Variants in ELF2 observed in about 807,000 individuals in gnomAD.
ELF2 encodes ETS-related transcription factor Elf-2.
In ELF2, 11 loss-of-function variants were observed where a neutral mutation model predicts 54.8. The observed-to-expected ratio is 0.20, with a 90% CI of 0.13 to 0.33. ELF2 has a LOEUF of 0.33. Among genes scored for constraint, ELF2 ranks in the 10% least tolerant of loss-of-function variants. The pLI is 1.00. For synonymous variants in ELF2, 203 were observed against 245.1 expected (o/e 0.83, Z 1.61); for missense variants, 513 against 703.0 (o/e 0.73, Z 3.06).
At chr4:139,115,030 T>C in intron 4 of ELF2, 9 of 1,613,832 alleles carry the variant, frequency 5.6e-6, no homozygotes, top group Non-Finnish European at 7.6e-6. Flanking sequence ...AACCAGCAGC[T>C]CCTTGACCGT....
intron 1 of ELF2, among the ~76,000 whole-genome samples, chr4:139,157,936 T>C (rs754302484): frequency 1.3e-5 from 2 of 152,204 alleles, no homozygotes; most frequent in Admixed American, 6.5e-5. Context: ...ATCAGAAGAT[T>C]CTAAATATAC....
At position 139,177,177 on chromosome 4, in the gene ELF2, C is replaced by T. The variant is rs557571407; in HGVS notation, c.-462G>A. On this transcript the variant is annotated 5_prime_UTR_variant, in exon 1 of 10. Transcript: ENST00000686138. ...CGCCGCCCCACCGACCCCCAACCGC[C>T]TAGGCGACGGCGGCGACACAGAGCT... is the stretch of plus-strand genomic sequence containing the variant. 6.6e-6 allele frequency: 1 copy of T among 152,300 alleles called. No homozygotes were observed. The highest frequency in any genetic ancestry group is 2.1e-4 in the South Asian group (1 of 4,826). The allele number at this position is 152,300 out of a possible 1,614,324, so 9.4% of individuals were successfully genotyped here. A position where few individuals can be genotyped will look rare whatever the true frequency, so the allele number is the denominator to read the frequency against.
At chr4:139,087,518 T>G (rs1210976470) in intron 4 of ELF2, among the ~76,000 whole-genome samples, 6 of 152,292 alleles carry the variant, frequency 3.9e-5, no homozygotes, top group African/African-American at 1.4e-4. Flanking sequence ...CAGGCTGGAG[T>G]ACAGTGGCGC....
At chr4:139,114,559 T>TCACACACACACA (rs1410927721) in intron 4 of ELF2, among the ~76,000 whole-genome samples, 561 of 27,508 alleles carry the variant, frequency 0.02, 2 homozygotes, top group African/African-American at 0.06. Context: ...GAGACTTCAG[T>TCACACACACACA]CTCACACACA....
intron 2 of ELF2, among the ~76,000 whole-genome samples, chr4:139,138,550 A>C (rs1422804089): frequency 6.6e-6 from 1 of 152,236 alleles, no homozygotes; most frequent in Non-Finnish European, 1.5e-5. Context: ...GAAAACTTTT[A>C]AAACTATTTG....
intron 1 of ELF2, among the ~76,000 whole-genome samples, 182 bp downstream of exon 1, chr4:139,176,785 C>G (rs911910195): frequency 1.3e-5 from 2 of 152,016 alleles, no homozygotes; most frequent in Non-Finnish European, 2.9e-5. Flanking sequence ...CAGCCCCCTT[C>G]CCCCAGCCCC....
chr4:139,125,072 G>A (rs993905771), intron 4 of ELF2, 92 bp downstream of exon 4: 1 of 1,471,618 alleles, frequency 6.8e-7, no homozygotes, highest in Middle Eastern at 1.9e-4. Flanking sequence ...CATTAAAAAG[G>A]TTTTTCAGTA....
intron 4 of ELF2, chr4:139,115,464 C>T (rs545934907): frequency 2.8e-4 from 256 of 927,834 alleles, no homozygotes; most frequent in African/African-American, 2.3e-3. Context: ...TAGCTCGCCG[C>T]GGCGAGGGCA....
At chr4:139,084,419 G>A (rs1731690818) in intron 4 of ELF2, 5 of 1,282,144 alleles carry the variant, frequency 3.9e-6, no homozygotes, top group Non-Finnish European at 3.9e-6. Flanking sequence ...AACGGCAGGG[G>A]CAGGGGCGGC....
At position 139,106,812 on chromosome 4, in the gene ELF2, C is replaced by T. The variant is rs974620597; in HGVS notation, c.238+18352G>A. On this transcript the variant is annotated intron_variant, in intron 4 of 9. Transcript: ENST00000686138. Reference sequence around the variant, plus strand: ...AGGCTGGAGTGCAATGGCTTGATCTCGGCTCACTGCAACCTCCGCCTGCCA... The same window carrying T: ...AGGCTGGAGTGCAATGGCTTGATCTTGGCTCACTGCAACCTCCGCCTGCCA... 2.8e-5 allele frequency among the ~76,000 whole-genome samples: 4 copies of T among 144,268 alleles called. No individual in the cohort carries two copies. The East Asian group carries it at 6.1e-4, about 22-fold the overall frequency. The allele number at this position is 144,268 out of a possible 152,430, so 94.6% of individuals were successfully genotyped here.
chr4:139,145,910 C>T (rs185555842), intron 1 of ELF2, among the ~76,000 whole-genome samples: 15 of 152,046 alleles, frequency 9.9e-5, no homozygotes, highest in African/African-American at 2.4e-4. Flanking sequence ...AAGTCATATA[C>T]GACAAAGCAT....
chr4:139,128,110 A>C lies in ELF2; in HGVS notation c.73-2781T>G, dbSNP rs1291644083. ...CATAGGGAGACCCTATCTCTAGAAA[A>C]AATAAAAAATAAATATCAGCCGGGC... On this transcript the variant is annotated intron_variant, in intron 3 of 9. Coordinates refer to ENST00000686138, the MANE Select transcript of ELF2 (RefSeq NM_001331036.3). Among the ~76,000 whole-genome samples, 3 of 152,146 alleles carry C rather than the reference A, an allele frequency of 2.0e-5. No individual in the cohort carries two copies. In the East Asian group the frequency reaches 5.8e-4, roughly 29 times the overall value.
At chr4:139,121,590 A>G (rs1254383262) in intron 4 of ELF2, among the ~76,000 whole-genome samples, 1 of 151,108 alleles carries the variant, frequency 6.6e-6, no homozygotes, top group Non-Finnish European at 1.5e-5. Context: ...AATCCAAAAA[A>G]CTCCTTCCCT....
chr4:139,156,075 C>A (rs1323717925), intron 1 of ELF2, among the ~76,000 whole-genome samples: 2 of 152,202 alleles, frequency 1.3e-5, no homozygotes, highest in Non-Finnish European at 2.9e-5. Context: ...GAGTCTCATA[C>A]CATAACTAAC....
intron 4 of ELF2, among the ~76,000 whole-genome samples, chr4:139,124,527 G>A (rs1298106520): frequency 6.6e-6 from 1 of 150,686 alleles, no homozygotes; most frequent in Non-Finnish European, 1.5e-5. Context: ...TTATTATTAT[G>A]TAAGAGTCAC....
At chr4:139,065,247 G>A (rs193235767) in intron 7 of ELF2, among the ~76,000 whole-genome samples, 2 of 152,264 alleles carry the variant, frequency 1.3e-5, no homozygotes, top group East Asian at 1.9e-4. Context: ...GGAGGCCAAG[G>A]CTGAAGGATC....
At chr4:139,134,527 T>TTATTGTATTG (rs542901294) in intron 3 of ELF2, among the ~76,000 whole-genome samples, 16 of 150,988 alleles carry the variant, frequency 1.1e-4, no homozygotes, top group African/African-American at 3.9e-4. Flanking sequence ...TGGCTAGTAT[T>TTATTGTATTG]TATTGTATTG....
At position 139,148,316 on chromosome 4, in the gene ELF2, ATTTTTT is replaced by A. The variant is rs772079635; in HGVS notation, c.-251-8825_-251-8820del. On this transcript the variant is annotated intron_variant, in intron 1 of 9. Transcript: ENST00000686138. ...AGACAGGTGAAGTCATACCTGGCTA[ATTTTTT>A]TTTTTTTTTTTTTTTTTTTTTTTTT... Among the ~76,000 whole-genome samples the A allele has an allele frequency of 3.4e-4, 22 of 64,562 alleles. No homozygotes were observed. In the East Asian group the frequency reaches 8.7e-3, roughly 26 times the overall value. 42.4% of individuals were successfully genotyped at this position (64,562 alleles called of 152,430 possible).
intron 4 of ELF2, among the ~76,000 whole-genome samples, chr4:139,119,718 T>G (rs1401130720): frequency 6.6e-6 from 1 of 152,254 alleles, no homozygotes; most frequent in Admixed American, 6.5e-5. Flanking sequence ...TATCCTAATT[T>G]TAGCATGCCA....
Sources: allele counts gnomAD v4.1 joint callset (sites outside exome capture counted in the v4.1 genomes callset), GRCh38; gene constraint gnomAD v4.1.1; transcripts MANE v1.5; gene names NCBI Gene and HGNC (gene_info 2026-07-23, HGNC 2026-07-21).